The following PAPPA variants were observed in gnomAD, a reference collection of about 807,000 sequenced individuals.
PAPPA encodes pappalysin 1.
In PAPPA, 60 loss-of-function variants were observed where a neutral mutation model predicts 164.0. The ratio of observed to expected loss-of-function variants is 0.37; its 90% CI spans 0.30 to 0.45. The LOEUF (loss-of-function observed/expected upper bound fraction) is 0.45, where lower values mean the gene tolerates loss of function less well. Ranked by LOEUF, PAPPA falls within the 20% of genes least tolerant of loss-of-function variation. The pLI, the probability that PAPPA is intolerant of heterozygous loss-of-function variation, is 1.00. For synonymous variants in PAPPA, 875 were observed against 814.1 expected (o/e 1.07, Z -1.27); for missense variants, 1,782 against 2,087.3 (o/e 0.85, Z 2.85).
At chr9:116,183,905 G>C (rs1330900851) in intron 1 of PAPPA, among the ~76,000 whole-genome samples, 2 of 152,144 alleles carry the variant, frequency 1.3e-5, no homozygotes, top group Admixed American at 1.3e-4. Context: ...GTTCTGAACT[G>C]AGAGCACCCT....
chr9:116,351,897 A>C (rs1846286961), intron 15 of PAPPA, among the ~76,000 whole-genome samples: 1 of 152,198 alleles, frequency 6.6e-6, no homozygotes, highest in African/African-American at 2.4e-5. Flanking sequence ...ATAACCAGGA[A>C]AAGGAGAGTT....
intron 7 of PAPPA, among the ~76,000 whole-genome samples, chr9:116,250,610 A>C (rs1336036076): frequency 2.0e-5 from 3 of 152,202 alleles, no homozygotes; most frequent in Non-Finnish European, 4.4e-5. Context: ...AGTCTCCAAA[A>C]ATTTTAAGCA....
chr9:116,400,253 G>A lies in PAPPA; in HGVS notation c.*3637G>A, dbSNP rs1282250358. The A allele has an allele frequency of 1.3e-5, 2 of 152,172 alleles. No homozygotes were observed. The highest frequency in any genetic ancestry group is 2.1e-4 in the South Asian group (1 of 4,826). The allele number at this position is 152,172 out of a possible 1,614,324, so 9.4% of individuals were successfully genotyped here. A position where few individuals can be genotyped will look rare whatever the true frequency, so the allele number is the denominator to read the frequency against. ...ATTTTTATGTTTCCTAAAGGAAATT[G>A]TTTATTCTACAGCCTCAGTAGGTAG... On this transcript the variant is annotated 3_prime_UTR_variant, in exon 22 of 22. Coordinates refer to ENST00000328252, the MANE Select transcript of PAPPA (RefSeq NM_002581.5).
At chr9:116,254,607 C>A (rs1169861471) in intron 7 of PAPPA, among the ~76,000 whole-genome samples, 1 of 151,752 alleles carries the variant, frequency 6.6e-6, no homozygotes, top group South Asian at 2.1e-4. Context: ...ACGGTGAAAC[C>A]CCATCTCTAC....
rs76594541 is a variant in PAPPA at position 116,243,847 on chromosome 9, T to C, written c.2732+8210T>C. On this transcript the variant is annotated intron_variant, in intron 7 of 21. Transcript: ENST00000328252. The stretch of plus-strand genomic sequence containing the variant: ...AAATGCATGATTCAGGCTGGACCCC[T>C]TCCTGAGCAGGGCCTTCTCCCACGC... Among the ~76,000 whole-genome samples, 1,219 of 152,238 alleles carry C rather than the reference T, an allele frequency of 8.0e-3. 21 individuals carry two copies. Among genetic ancestry groups the C allele is most frequent in the African/African-American group, 0.027 (1,138 of 41,546 alleles).
intron 15 of PAPPA, among the ~76,000 whole-genome samples, chr9:116,349,105 G>T (rs1483622799): frequency 6.6e-6 from 1 of 151,842 alleles, no homozygotes; most frequent in African/African-American, 2.4e-5. Context: ...TTCCGTTAAA[G>T]TCTACCCCTT....
Position 116,334,255 on chromosome 9 carries a change from A to C in PAPPA, c.3398-606A>C, listed in dbSNP as rs541452736. Among the ~76,000 whole-genome samples the C allele has an allele frequency of 3.1e-3, 471 of 151,294 alleles. 4 individuals carry two copies. The highest frequency in any genetic ancestry group is 0.01 in the African/African-American group (430 of 41,142). On this transcript the variant is annotated intron_variant, in intron 12 of 21. Coordinates refer to ENST00000328252, the MANE Select transcript of PAPPA (RefSeq NM_002581.5). ...GGCTGCATTAAAAAAAAAAAAAAAA[A>C]AAAAACAGGGCTCTTGAGTGAGGCA...
chr9:116,283,108 T>A (rs1030189214), intron 9 of PAPPA, among the ~76,000 whole-genome samples: 2 of 152,162 alleles, frequency 1.3e-5, no homozygotes, highest in African/African-American at 4.8e-5. Flanking sequence ...GCAGCAGCCA[T>A]GGTGGTCCTG....
chr9:116,172,821 GATTTA>G (rs910438328), intron 1 of PAPPA, among the ~76,000 whole-genome samples: 3 of 151,976 alleles, frequency 2.0e-5, no homozygotes, highest in African/African-American at 7.3e-5. Context: ...CCAAACTTTT[GATTTA>G]AAGTCCCTTA....
chr9:116,162,906 A>G (rs1211763141), intron 1 of PAPPA, among the ~76,000 whole-genome samples: 1 of 152,224 alleles, frequency 6.6e-6, no homozygotes, highest in African/African-American at 2.4e-5. Flanking sequence ...AAAAATTTAA[A>G]CAACTAAAAT....
intron 12 of PAPPA, among the ~76,000 whole-genome samples, chr9:116,333,083 G>A (rs955897831): frequency 7.2e-5 from 11 of 152,068 alleles, no homozygotes; most frequent in African/African-American, 2.7e-4. Context: ...GACAAGGGCT[G>A]GACTTGGCCA....
At chr9:116,365,362 C>G (rs1044697111) in intron 18 of PAPPA, among the ~76,000 whole-genome samples, 10 of 152,044 alleles carry the variant, frequency 6.6e-5, no homozygotes, top group Non-Finnish European at 1.0e-4. Context: ...GAAGGAGACG[C>G]GGAGGCCTGG....
chr9:116,330,999 C>A (rs368565006), intron 10 of PAPPA, among the ~76,000 whole-genome samples: 1 of 152,124 alleles, frequency 6.6e-6, no homozygotes, highest in Non-Finnish European at 1.5e-5. Flanking sequence ...GATTTGTCTC[C>A]GTGAGAATAT....
intron 13 of PAPPA, among the ~76,000 whole-genome samples, 187 bp downstream of exon 13, chr9:116,335,261 A>G (rs943671259): frequency 4.6e-5 from 7 of 152,044 alleles, no homozygotes; most frequent in African/African-American, 1.7e-4. Flanking sequence ...TGGGGCAATT[A>G]AGGGAAACGG....
chr9:116,294,658 T>G (rs1475480811), intron 9 of PAPPA, among the ~76,000 whole-genome samples: 2 of 152,190 alleles, frequency 1.3e-5, no homozygotes, highest in African/African-American at 4.8e-5. Flanking sequence ...AACTAACGTT[T>G]AAGTACAAAG....
At chr9:116,311,475 G>T (rs576842482) in intron 10 of PAPPA, among the ~76,000 whole-genome samples, 19 of 152,322 alleles carry the variant, frequency 1.2e-4, no homozygotes, top group African/African-American at 2.9e-4. Context: ...AAAGTGACAG[G>T]TTATGTAGAA....
intron 19 of PAPPA, among the ~76,000 whole-genome samples, chr9:116,371,210 A>G (rs1846568593): frequency 2.0e-5 from 3 of 152,158 alleles, no homozygotes; most frequent in Admixed American, 1.3e-4. Flanking sequence ...TGAGGTCAGG[A>G]GTTCGAGACC....
At chr9:116,307,723 T>TGAGA (rs145791298) in intron 10 of PAPPA, among the ~76,000 whole-genome samples, 1 of 149,836 alleles carries the variant, frequency 6.7e-6, no homozygotes, top group East Asian at 1.9e-4. Context: ...CTGAGGAATG[T>TGAGA]GAGAGAGAGA....
At chr9:116,324,500 A>G (rs1348421624) in intron 10 of PAPPA, among the ~76,000 whole-genome samples, 1 of 152,160 alleles carries the variant, frequency 6.6e-6, no homozygotes, top group Non-Finnish European at 1.5e-5. Flanking sequence ...TTATTTGAGG[A>G]TAAATAAAAC....
Sources: allele counts gnomAD v4.1 joint callset (sites outside exome capture counted in the v4.1 genomes callset), GRCh38; gene constraint gnomAD v4.1.1; transcripts MANE v1.5; gene names NCBI Gene and HGNC (gene_info 2026-07-23, HGNC 2026-07-21).